The following BANK1 variants were observed in gnomAD, a reference collection of about 807,000 sequenced individuals.
BANK1 encodes B cell scaffold protein with ankyrin repeats 1.
BANK1 carries 95 observed loss-of-function variants against 94.5 expected under a neutral mutation model. The ratio of observed to expected loss-of-function variants is 1.00; its 90% CI spans 0.85 to 1.19. The LOEUF (loss-of-function observed/expected upper bound fraction) is 1.19. BANK1 is among the 50% of genes most tolerant of loss of function. The probability of loss-of-function intolerance (pLI) is 0.00; values close to 1 mark genes in which losing one functional copy is unlikely to be tolerated. For missense variants in BANK1, 987 were observed against 932.2 expected, an observed-to-expected ratio of 1.06 and a Z score of -0.77; for synonymous variants, 334 against 308.4, an observed-to-expected ratio of 1.08 and a Z score of -0.87.
intron 15 of BANK1, among the ~76,000 whole-genome samples, chr4:102,072,994 G>T (rs1020072570): frequency 6.6e-6 from 1 of 151,900 alleles, no homozygotes; most frequent in South Asian, 2.1e-4. Context: ...ACACACTTGC[G>T]CTGCTACCAA....
At chr4:102,066,546 T>A (rs1204945212) in intron 13 of BANK1, among the ~76,000 whole-genome samples, 2 of 152,044 alleles carry the variant, frequency 1.3e-5, no homozygotes, top group Non-Finnish European at 2.9e-5. Context: ...CGTGAGCCAA[T>A]GCGACCAGCC....
At chr4:101,792,189 T>A (rs1380636336) in intron 1 of BANK1, among the ~76,000 whole-genome samples, 1 of 152,092 alleles carries the variant, frequency 6.6e-6, no homozygotes, top group Non-Finnish European at 1.5e-5. Flanking sequence ...TTGTGAATAA[T>A]GCAAGAGTAA....
intron 7 of BANK1, among the ~76,000 whole-genome samples, chr4:101,990,003 G>A (rs1284629565): frequency 6.6e-6 from 1 of 152,026 alleles, no homozygotes; most frequent in Non-Finnish European, 1.5e-5. Context: ...ATGTGAAGTG[G>A]TGATAGTAGA....
intron 7 of BANK1, among the ~76,000 whole-genome samples, chr4:101,925,103 T>TGAG (rs137946649): frequency 1.3e-5 from 2 of 151,230 alleles, no homozygotes; most frequent in South Asian, 2.1e-4. Context: ...GAAGGGAATC[T>TGAG]TGTTTTTGGG....
At chr4:101,826,583 C>T (rs541923151) in intron 1 of BANK1, among the ~76,000 whole-genome samples, 2 of 151,882 alleles carry the variant, frequency 1.3e-5, no homozygotes, top group Non-Finnish European at 2.9e-5. Flanking sequence ...CTCCTCCTAC[C>T]GTTCCTCAAA....
intron 2 of BANK1, among the ~76,000 whole-genome samples, chr4:101,851,900 G>A (rs1727490714): frequency 2.0e-5 from 3 of 152,160 alleles, no homozygotes; most frequent in Admixed American, 2.0e-4. Context: ...AGTTATCTCT[G>A]TTCCAAATTA....
At chr4:102,051,929 G>A (rs370467213) in intron 11 of BANK1, among the ~76,000 whole-genome samples, 60 of 152,128 alleles carry the variant, frequency 3.9e-4, no homozygotes, top group African/African-American at 1.3e-3. Flanking sequence ...ATCATGTCCC[G>A]CCTCTATCGT....
intron 7 of BANK1, among the ~76,000 whole-genome samples, chr4:101,981,036 C>T (rs1269747349): frequency 1.3e-5 from 2 of 152,050 alleles, no homozygotes; most frequent in African/African-American, 2.4e-5. Flanking sequence ...GATAGTTTCT[C>T]CTCTTCTTTC....
At chr4:101,796,855 TAGTAA>T (rs1211912198) in intron 1 of BANK1, among the ~76,000 whole-genome samples, 1 of 152,176 alleles carries the variant, frequency 6.6e-6, no homozygotes, top group Non-Finnish European at 1.5e-5. Context: ...GCATTTATCT[TAGTAA>T]ATGTCACAAA....
chr4:101,858,801 T>C (rs759443286), intron 3 of BANK1, among the ~76,000 whole-genome samples: 1 of 152,190 alleles, frequency 6.6e-6, no homozygotes, highest in African/African-American at 2.4e-5. Flanking sequence ...ATTGAATGTT[T>C]TTACAATCAG....
chr4:101,869,854 G>A (rs1329661960), intron 4 of BANK1, among the ~76,000 whole-genome samples: 1 of 151,836 alleles, frequency 6.6e-6, no homozygotes, highest in Non-Finnish European at 1.5e-5. Flanking sequence ...TTCATAGAAA[G>A]TCCTAAATTC....
At chr4:102,045,194 G>A (rs1727838543) in intron 11 of BANK1, among the ~76,000 whole-genome samples, 1 of 152,062 alleles carries the variant, frequency 6.6e-6, no homozygotes, top group African/African-American at 2.4e-5. Flanking sequence ...AATCCATCTT[G>A]ATTATCTCAA....
At chr4:102,029,844 T>G (rs1175915249) in intron 9 of BANK1, 116 bp from the exon 10 acceptor site, 5 of 892,084 alleles carry the variant, frequency 5.6e-6, no homozygotes, top group Non-Finnish European at 7.0e-6. Flanking sequence ...TCTCTAATAC[T>G]GTTTCCTACG....
At chr4:101,804,479 T>G (rs1725485944) in intron 1 of BANK1, among the ~76,000 whole-genome samples, 1 of 152,150 alleles carries the variant, frequency 6.6e-6, no homozygotes, top group Non-Finnish European at 1.5e-5. Context: ...ATGGGACTCA[T>G]GGGAAGTACC....
rs193241963 is a variant in BANK1, at chr4:101,881,821, A to G, written c.903+11177A>G. Among the ~76,000 whole-genome samples the G allele has an allele frequency of 9.8e-5, 15 of 152,286 alleles. No homozygotes were observed. In the East Asian group the frequency reaches 2.7e-3, roughly 27 times the overall value. On this transcript the variant is annotated intron_variant, in intron 5 of 16. Transcript: ENST00000322953. ...TTAGTGAATTAAACCAGGCACAGAA[A>G]GACAAACATCGCATGTTCTCATTTA...
chr4:101,875,364 A>G (rs1728449338), intron 5 of BANK1, among the ~76,000 whole-genome samples: 2 of 152,210 alleles, frequency 1.3e-5, no homozygotes, highest in African/African-American at 2.4e-5. Flanking sequence ...GAACTACCTG[A>G]TACTGGGTAA....
At chr4:101,930,743 A>T (rs1410839212) in intron 7 of BANK1, among the ~76,000 whole-genome samples, 4 of 151,554 alleles carry the variant, frequency 2.6e-5, no homozygotes, top group Non-Finnish European at 5.9e-5. Flanking sequence ...CACATTTGGT[A>T]ATAAGTAGAG....
chr4:101,849,405 C>T (rs1727383953), intron 2 of BANK1, among the ~76,000 whole-genome samples: 1 of 152,132 alleles, frequency 6.6e-6, no homozygotes, highest in Non-Finnish European at 1.5e-5. Context: ...TTCAGACCCA[C>T]TTCTGAGGAG....
intron 7 of BANK1, among the ~76,000 whole-genome samples, chr4:101,999,043 C>G (rs530007760): frequency 6.6e-5 from 10 of 152,102 alleles, no homozygotes; most frequent in Non-Finnish European, 1.3e-4. Context: ...GATAGTTTGG[C>G]TGAACATAAA....
Sources: allele counts gnomAD v4.1 joint callset (sites outside exome capture counted in the v4.1 genomes callset), GRCh38; gene constraint gnomAD v4.1.1; transcripts MANE v1.5; gene names NCBI Gene and HGNC (gene_info 2026-07-23, HGNC 2026-07-21).